Variants in ZNF518A observed in about 807,000 individuals in gnomAD.
ZNF518A encodes zinc finger protein 518.
A neutral mutation model predicts 102.7 loss-of-function variants in ZNF518A; 47 were observed. The observed-to-expected ratio is 0.46, with a 90% CI of 0.36 to 0.58. The LOEUF (loss-of-function observed/expected upper bound fraction) is 0.58. ZNF518A is among the 20% of genes least tolerant of loss of function. ZNF518A has a pLI of 0.00. For synonymous variants in ZNF518A, 652 were observed against 594.6 expected (o/e 1.10, Z -1.40); for missense variants, 1,793 against 1,699.8 (o/e 1.05, Z -0.96).
downstream of ZNF518A, among the ~76,000 whole-genome samples, chr10:96,164,414 G>T (rs2083102912): frequency 6.6e-6 from 1 of 152,188 alleles, no homozygotes; most frequent in Admixed American, 6.5e-5. Context: ...TTACTGGGGG[G>T]ATTTTTCAGG....
chr10:96,179,154 G>A (rs2083223566), intron 1 of ZNF518A, among the ~76,000 whole-genome samples: 1 of 152,010 alleles, frequency 6.6e-6, no homozygotes, highest in South Asian at 2.1e-4. Context: ...AATCCTTAAT[G>A]TATTAGCATT....
In ZNF518A at chr10:96,162,443, A is replaced by G. The variant is rs1232235134; in HGVS notation, c.*1669A>G. 6.0e-6 allele frequency: 1 copy of G among 166,980 alleles called. No homozygotes were observed. Among genetic ancestry groups the G allele is most frequent in the Non-Finnish European group, 1.5e-5 (1 of 68,036 alleles). The allele number at this position is 166,980 out of a possible 1,614,324, so 10.3% of individuals were successfully genotyped here. ...TGTCAACTGTAACAGTAGGTCCCAAATGGGCCCATTCCCCTAATAGTTTTA... is the reference window on the plus strand; with the variant it reads ...TGTCAACTGTAACAGTAGGTCCCAAGTGGGCCCATTCCCCTAATAGTTTTA... On this transcript the variant is annotated 3_prime_UTR_variant, in exon 6 of 6. Transcript: ENST00000316045.
chr10:96,188,605 C>G (rs1428735325), intron 1 of ZNF518A, among the ~76,000 whole-genome samples: 1 of 152,182 alleles, frequency 6.6e-6, no homozygotes, highest in Non-Finnish European at 1.5e-5. Flanking sequence ...ATACTACAAA[C>G]AGATGCTTTG....
chr10:96,164,702 A>G (rs2083107714), downstream of ZNF518A, among the ~76,000 whole-genome samples: 1 of 152,232 alleles, frequency 6.6e-6, no homozygotes, highest in Admixed American at 6.5e-5. Context: ...TTTCAAGTAA[A>G]TAGTGTGGAA....
chr10:96,183,403 GT>G (rs1394261241), intron 1 of ZNF518A, among the ~76,000 whole-genome samples: 4 of 152,128 alleles, frequency 2.6e-5, no homozygotes, highest in Non-Finnish European at 2.9e-5. Flanking sequence ...TAATTGTGAT[GT>G]TAGGGTGTCA....
intron 3 of ZNF518A, among the ~76,000 whole-genome samples, chr10:96,136,845 C>T (rs1554874661): frequency 6.6e-6 from 1 of 152,188 alleles, no homozygotes; most frequent in African/African-American, 2.4e-5. Flanking sequence ...ATCTGACCCT[C>T]AGAGAGTAGC....
intron 1 of ZNF518A, among the ~76,000 whole-genome samples, chr10:96,174,369 G>A (rs782784848): frequency 6.6e-6 from 1 of 151,988 alleles, no homozygotes; most frequent in Non-Finnish European, 1.5e-5. Context: ...GAACATAAAG[G>A]AAACCAAAAT....
At chr10:96,155,567 A>C (rs1185268889) in intron 4 of ZNF518A, 191 bp downstream of exon 4, 1 of 152,146 alleles carries the variant, frequency 6.6e-6, no homozygotes, top group East Asian at 1.9e-4. Flanking sequence ...TGTTCTTTTT[A>C]ATTTCTTCCT....
chr10:96,150,304 A>C (rs1345350057), intron 3 of ZNF518A, among the ~76,000 whole-genome samples: 4 of 150,730 alleles, frequency 2.7e-5, no homozygotes, highest in Admixed American at 1.3e-4. Context: ...ACTGCACTCC[A>C]GCCTGGGTGA....
intron 1 of ZNF518A, among the ~76,000 whole-genome samples, chr10:96,191,014 G>A (rs2083319678): frequency 6.6e-6 from 1 of 152,290 alleles, no homozygotes; most frequent in African/African-American, 2.4e-5. Flanking sequence ...CGTGCCATGG[G>A]AGGGACCTGG....
In ZNF518A at chr10:96,192,053, G is replaced by T. The variant is rs782296230; in HGVS notation, n.36-11521G>T. ...CTGTCAATAAGAACCAAAGGACTAT[G>T]TTGATGATTCCTGATGATTTCAGCA... On this transcript the variant is annotated intron_variant and non_coding_transcript_variant, in intron 1 of 2. Coordinates refer to the ZNF518A transcript ENST00000442635. The T allele has an allele frequency of 6.2e-7, 1 of 1,613,556 alleles. No individual in the cohort carries two copies. Among genetic ancestry groups the T allele is most frequent in the Non-Finnish European group, 8.5e-7 (1 of 1,179,744 alleles).
intron 1 of ZNF518A, among the ~76,000 whole-genome samples, chr10:96,201,738 GCATT>G (rs59428057): frequency 0.016 from 2,221 of 138,692 alleles, 41 homozygotes; most frequent in African/African-American, 0.054. Context: ...AGACTTATCT[GCATT>G]CATTCATTCA....
At chr10:96,169,613 A>G (rs1026663753) in intron 1 of ZNF518A, among the ~76,000 whole-genome samples, 2 of 152,294 alleles carry the variant, frequency 1.3e-5, no homozygotes, top group Admixed American at 6.5e-5. Context: ...CTTTGAACAT[A>G]TTTAAGATAG....
At chr10:96,140,580 C>G (rs782234052) in intron 3 of ZNF518A, among the ~76,000 whole-genome samples, 5 of 152,056 alleles carry the variant, frequency 3.3e-5, no homozygotes, top group Non-Finnish European at 5.9e-5. Context: ...TTCAATGGCT[C>G]TTATGTCACT....
chr10:96,145,831 T>C (rs1206353304), intron 3 of ZNF518A, among the ~76,000 whole-genome samples: 1 of 152,236 alleles, frequency 6.6e-6, no homozygotes, highest in Non-Finnish European at 1.5e-5. Context: ...TTTCATAAAA[T>C]TGCAGTCTAG....
At chr10:96,172,235 C>T (rs1554890963) in intron 1 of ZNF518A, among the ~76,000 whole-genome samples, 2 of 152,040 alleles carry the variant, frequency 1.3e-5, no homozygotes, top group African/African-American at 4.8e-5. Context: ...ATTTTCCTTT[C>T]TCTTAAAAGG....
Position 96,203,885 on chromosome 10 carries a change from T to C in ZNF518A, n.91-35T>C, listed in dbSNP as rs1331667537. 1.8e-5 allele frequency: 9 copies of C among 488,270 alleles called. 1 individual carries two copies. In the East Asian group the frequency reaches 2.3e-4, roughly 12 times the overall value. The allele number at this position is 488,270 out of a possible 1,614,324, so 30.2% of individuals were successfully genotyped here. ...AAATATATTTACTTTTCAAAACAAC[T>C]CTGTGAAATAAACATTCTTGGCCCC... On this transcript the variant is annotated intron_variant and non_coding_transcript_variant, in intron 2 of 2. Transcript: ENST00000442635.
intron 3 of ZNF518A, among the ~76,000 whole-genome samples, chr10:96,134,661 T>C (rs782095603): frequency 2.4e-4 from 37 of 152,360 alleles, no homozygotes; most frequent in African/African-American, 8.9e-4. Flanking sequence ...TGCTGTGTGA[T>C]GACTGACCAA....
chr10:96,162,271 T>C lies in ZNF518A; in HGVS notation c.*1497T>C, dbSNP rs2083029463. On this transcript the variant is annotated 3_prime_UTR_variant, in exon 6 of 6. Transcript: ENST00000316045. ...TGCACTAATAAAACTGGTTGTTTAA[T>C]TTAAAAGGAATATATAAGACTTTAC... The C allele has an allele frequency of 6.0e-6, 1 of 166,874 alleles. No homozygotes were observed. The highest frequency in any genetic ancestry group is 6.5e-5 in the Admixed American group (1 of 15,270). 10.3% of individuals were successfully genotyped at this position (166,874 alleles called of 1,614,324 possible). A position where few individuals can be genotyped will look rare whatever the true frequency, so the allele number is the denominator to read the frequency against.
Sources: gnomAD v4.1 joint callset for allele counts (sites outside exome capture counted in the v4.1 genomes callset) on GRCh38, gnomAD v4.1.1 for gene constraint, MANE v1.5 for transcripts, NCBI Gene and HGNC (gene_info 2026-07-23, HGNC 2026-07-21) for gene names.